The following DNM3 variants were observed in gnomAD, a reference collection of about 807,000 sequenced individuals.
DNM3 encodes dynamin-3.
DNM3 carries 47 observed loss-of-function variants against 101.6 expected under a neutral mutation model. That is an observed-to-expected ratio of 0.46 (90% CI 0.37 to 0.59). The LOEUF (loss-of-function observed/expected upper bound fraction) is 0.59, where lower values mean the gene tolerates loss of function less well. Ranked by LOEUF, DNM3 falls within the 20% of genes least tolerant of loss-of-function variation. The pLI is 0.00. For synonymous variants in DNM3, 385 were observed against 387.9 expected (o/e 0.99, Z 0.09); for missense variants, 849 against 1,085.7 (o/e 0.78, Z 3.06).
intron 13 of DNM3, among the ~76,000 whole-genome samples, chr1:172,125,350 T>A (rs1199998417): frequency 6.6e-6 from 1 of 152,226 alleles, no homozygotes; most frequent in Non-Finnish European, 1.5e-5. Flanking sequence ...TACTTTTGTC[T>A]TCCCATGATT....
chr1:172,257,588 A>G (rs988244981), intron 15 of DNM3, among the ~76,000 whole-genome samples: 7 of 152,098 alleles, frequency 4.6e-5, no homozygotes, highest in African/African-American at 1.7e-4. Flanking sequence ...TTATTGATAC[A>G]TAATATTTAT....
Position 172,412,450 on chromosome 1 carries a change from C to T in DNM3, c.*4609C>T. 1.0e-6 allele frequency: 1 copy of T among 985,628 alleles called. No homozygotes were observed. The highest frequency in any genetic ancestry group is 1.2e-6 in the Non-Finnish European group (1 of 829,860). The allele number at this position is 985,628 out of a possible 1,614,324, so 61.1% of individuals were successfully genotyped here. ...TATTTTTACTTTCCCTTTTTTGGGT[C>T]AAATTTTTCTTTTGCTTTGTTTGAA... On this transcript the variant is annotated 3_prime_UTR_variant, in exon 21 of 21. Transcript: ENST00000627582.
intron 20 of DNM3, among the ~76,000 whole-genome samples, chr1:172,405,843 T>C (rs1177023702): frequency 1.3e-5 from 2 of 151,966 alleles, no homozygotes; most frequent in African/African-American, 2.4e-5. Context: ...AGCAGTTAGA[T>C]ACTTTAGAGT....
chr1:172,245,546 G>C (rs1378439332), intron 14 of DNM3, among the ~76,000 whole-genome samples: 1 of 152,212 alleles, frequency 6.6e-6, no homozygotes, highest in Non-Finnish European at 1.5e-5. Context: ...CTGAGATTTG[G>C]TGGACACATC....
chr1:172,184,737 A>G (rs1339663079), intron 14 of DNM3, among the ~76,000 whole-genome samples: 2 of 152,088 alleles, frequency 1.3e-5, no homozygotes, highest in Non-Finnish European at 2.9e-5. Flanking sequence ...TGACCCATGG[A>G]CTTGATATGT....
chr1:171,901,061 C>T (rs1270592079), intron 1 of DNM3, among the ~76,000 whole-genome samples: 3 of 141,024 alleles, frequency 2.1e-5, no homozygotes, highest in Admixed American at 7.5e-5. Flanking sequence ...TGCAGTGAGC[C>T]GAGAGCGCGC....
intron 8 of DNM3, among the ~76,000 whole-genome samples, chr1:172,043,352 C>A (rs916640709): frequency 1.3e-5 from 2 of 152,062 alleles, no homozygotes; most frequent in South Asian, 4.1e-4. Flanking sequence ...ATGTGCTAAG[C>A]GTAAAATGCC....
intron 14 of DNM3, among the ~76,000 whole-genome samples, chr1:172,248,748 A>G (rs886727036): frequency 6.6e-6 from 1 of 152,206 alleles, no homozygotes; most frequent in Non-Finnish European, 1.5e-5. Flanking sequence ...AGCATTTCAT[A>G]TAGTTTTCTT....
intron 14 of DNM3, among the ~76,000 whole-genome samples, chr1:172,205,642 A>G (rs942957903): frequency 2.0e-5 from 3 of 152,146 alleles, no homozygotes; most frequent in African/African-American, 7.2e-5. Flanking sequence ...TAATGTCTGA[A>G]TTAACAGAAG....
At chr1:172,171,998 T>C (rs2058978219) in intron 14 of DNM3, among the ~76,000 whole-genome samples, 1 of 151,632 alleles carries the variant, frequency 6.6e-6, no homozygotes, top group African/African-American at 2.4e-5. Flanking sequence ...ACCTGGTGCC[T>C]GTTGAGTAAG....
At chr1:172,203,737 T>G (rs1284952013) in intron 14 of DNM3, among the ~76,000 whole-genome samples, 1 of 152,200 alleles carries the variant, frequency 6.6e-6, no homozygotes. Flanking sequence ...CTTCTTATTA[T>G]TAAATAGTGT....
At chr1:171,954,675 T>C (rs1002049870) in intron 2 of DNM3, among the ~76,000 whole-genome samples, 1 of 152,198 alleles carries the variant, frequency 6.6e-6, no homozygotes, top group Non-Finnish European at 1.5e-5. Flanking sequence ...TGCTCACTCC[T>C]GCAAGGGGAG....
At chr1:172,179,386 G>A (rs1466621365) in intron 14 of DNM3, among the ~76,000 whole-genome samples, 1 of 151,830 alleles carries the variant, frequency 6.6e-6, no homozygotes, top group Non-Finnish European at 1.5e-5. Flanking sequence ...AAAATAATTG[G>A]TATGAACGTG....
At chr1:171,950,525 C>T (rs929888679) in intron 2 of DNM3, among the ~76,000 whole-genome samples, 1 of 152,102 alleles carries the variant, frequency 6.6e-6, no homozygotes, top group African/African-American at 2.4e-5. Flanking sequence ...ATTAAACGCA[C>T]TTTTGACTTA....
rs576727022 is a variant in DNM3 at position 172,377,033 on chromosome 1, T to C, written c.1894-1985T>C. Reference sequence around the variant, plus strand: ...TAATTTTCCTGGTGTTTCATATTCCTCGAGGTGAATGTAACAAGTTATTTA... The same window carrying C: ...TAATTTTCCTGGTGTTTCATATTCCCCGAGGTGAATGTAACAAGTTATTTA... On this transcript the variant is annotated intron_variant, in intron 17 of 20. Transcript: ENST00000627582. Among the ~76,000 whole-genome samples the C allele has an allele frequency of 1.4e-4, 21 of 152,214 alleles. No homozygotes were observed. The South Asian group carries it at 1.9e-3, about 14-fold the overall frequency.
intron 14 of DNM3, among the ~76,000 whole-genome samples, chr1:172,225,082 A>C (rs914415945): frequency 6.9e-6 from 1 of 145,142 alleles, no homozygotes. Flanking sequence ...TTCTCCTCCA[A>C]TTCCTCTTTG....
chr1:172,362,175 G>A (rs1403435672), intron 17 of DNM3, among the ~76,000 whole-genome samples: 1 of 151,890 alleles, frequency 6.6e-6, no homozygotes, highest in Non-Finnish European at 1.5e-5. Context: ...TATTAAATAT[G>A]ATTGAGTACC....
chr1:172,311,943 A>C (rs888309907), intron 16 of DNM3, among the ~76,000 whole-genome samples: 2 of 152,352 alleles, frequency 1.3e-5, no homozygotes, highest in East Asian at 1.9e-4. Flanking sequence ...TTCAGTTTTC[A>C]TCATAAACAA....
chr1:172,219,696 T>C (rs1340515051), intron 14 of DNM3, among the ~76,000 whole-genome samples: 2 of 152,060 alleles, frequency 1.3e-5, no homozygotes, highest in African/African-American at 2.4e-5. Flanking sequence ...AAGGTGAAGA[T>C]GTAGAAAAGT....
Sources: gnomAD v4.1 joint callset for allele counts (sites outside exome capture counted in the v4.1 genomes callset) on GRCh38, gnomAD v4.1.1 for gene constraint, MANE v1.5 for transcripts, NCBI Gene and HGNC (gene_info 2026-07-23, HGNC 2026-07-21) for gene names.